The following TUSC3 variants were observed in gnomAD, a reference collection of about 807,000 sequenced individuals.
The protein encoded by TUSC3 is dolichyl-diphosphooligosaccharide--protein glycosyltransferase subunit TUSC3.
TUSC3 carries 45 observed loss-of-function variants against 44.8 expected under a neutral mutation model. The observed-to-expected ratio is 1.00, with a 90% CI of 0.79 to 1.29. TUSC3 has a LOEUF of 1.29. Ranked by LOEUF, TUSC3 falls within the 50% of genes most tolerant of loss-of-function variation. The pLI, the probability that TUSC3 is intolerant of heterozygous loss-of-function variation, is 0.00. For synonymous variants in TUSC3, 212 were observed against 152.9 expected (o/e 1.39, Z -2.85); for missense variants, 519 against 437.9 (o/e 1.19, Z -1.65).
chr8:15,644,176 AT>A (rs146359126), intron 2 of TUSC3, among the ~76,000 whole-genome samples: 7 of 152,198 alleles, frequency 4.6e-5, no homozygotes, highest in Non-Finnish European at 7.4e-5. Flanking sequence ...AGATTAAGTG[AT>A]TTTTTTCCCC....
intron 2 of TUSC3, among the ~76,000 whole-genome samples, chr8:15,649,449 T>G (rs2129175084): frequency 6.6e-6 from 1 of 152,164 alleles, no homozygotes; most frequent in Admixed American, 6.5e-5. Flanking sequence ...CCGGGCTTGG[T>G]GGCGGGCGCC....
chr8:15,443,320 C>T (rs931318733), intron 1 of TUSC3, among the ~76,000 whole-genome samples: 5 of 146,116 alleles, frequency 3.4e-5, no homozygotes, highest in African/African-American at 1.0e-4. Flanking sequence ...AGGTATACAA[C>T]ACCACACCCA....
the TUSC3 span, among the ~76,000 whole-genome samples, chr8:15,846,339 C>T: frequency 1.1e-4 from 17 of 152,198 alleles, no homozygotes; most frequent in East Asian, 1.5e-3. Context: ...ACCAGTAATG[C>T]GATTATAGTA....
chr8:15,689,685 A>G (rs1808809300), intron 6 of TUSC3: 1 of 152,132 alleles, frequency 6.6e-6, no homozygotes, highest in South Asian at 2.1e-4. Context: ...TTTACCACCC[A>G]CTTGTAAGTG....
At chr8:15,746,236 T>G (rs1811409471) in intron 8 of TUSC3, among the ~76,000 whole-genome samples, 2 of 152,142 alleles carry the variant, frequency 1.3e-5, no homozygotes, top group Admixed American at 6.6e-5. Context: ...GATACTCAAT[T>G]TATTAAATCA....
intron 7 of TUSC3, among the ~76,000 whole-genome samples, chr8:15,741,623 G>C (rs1476160500): frequency 6.6e-6 from 1 of 151,936 alleles, no homozygotes; most frequent in Non-Finnish European, 1.5e-5. Flanking sequence ...GGAGGCAGAG[G>C]TTGCAGTGAA....
chr8:15,790,324 T>C, the TUSC3 span, among the ~76,000 whole-genome samples: 1 of 151,596 alleles, frequency 6.6e-6, no homozygotes, highest in Non-Finnish European at 1.5e-5. Flanking sequence ...TAGCTGGGAC[T>C]ACAGGCACAT....
At chr8:15,847,674 T>G in the TUSC3 span, among the ~76,000 whole-genome samples, 4 of 152,184 alleles carry the variant, frequency 2.6e-5, no homozygotes, top group African/African-American at 9.7e-5. Flanking sequence ...CTTCACAATA[T>G]TTTTTAACTA....
intron 2 of TUSC3, among the ~76,000 whole-genome samples, chr8:15,510,840 C>G (rs1801124069): frequency 6.6e-6 from 1 of 151,898 alleles, no homozygotes; most frequent in Non-Finnish European, 1.5e-5. Context: ...AAAATGTTAG[C>G]AAATTTAATT....
At chr8:15,716,186 G>T (rs547926791) in intron 6 of TUSC3, among the ~76,000 whole-genome samples, 1 of 152,262 alleles carries the variant, frequency 6.6e-6, no homozygotes, top group South Asian at 2.1e-4. Flanking sequence ...AGCCCAGTAG[G>T]TGGAGGTTGC....
chr8:15,544,277 A>T (rs559011864), intron 1 of TUSC3, among the ~76,000 whole-genome samples: 1 of 152,030 alleles, frequency 6.6e-6, no homozygotes, highest in South Asian at 2.1e-4. Context: ...TTATCAGTTA[A>T]TCAGCTTCAT....
At chr8:15,792,995 G>T in the TUSC3 span, among the ~76,000 whole-genome samples, 1 of 151,888 alleles carries the variant, frequency 6.6e-6, no homozygotes, top group Admixed American at 6.6e-5. Context: ...TTCTCTGGGG[G>T]AAAACAAAAA....
At chr8:15,443,890 G>A (rs935266323) in intron 1 of TUSC3, among the ~76,000 whole-genome samples, 7 of 151,838 alleles carry the variant, frequency 4.6e-5, no homozygotes, top group African/African-American at 1.5e-4. Flanking sequence ...GCCCCCACCC[G>A]GGAACTGACT....
intron 6 of TUSC3, among the ~76,000 whole-genome samples, chr8:15,704,339 G>C (rs1054048599): frequency 1.3e-5 from 2 of 148,724 alleles, no homozygotes; most frequent in African/African-American, 2.5e-5. Context: ...GATATGATTA[G>C]AGTGACACGG....
rs1021337248 is a variant in TUSC3 at position 15,597,679 on chromosome 8, G to C, written c.139-25401G>C. Among the ~76,000 whole-genome samples, 50 of 152,162 alleles carry C rather than the reference G, an allele frequency of 3.3e-4. 1 individual carries two copies. The highest frequency in any genetic ancestry group is 1.2e-3 in the African/African-American group (49 of 41,554). On this transcript the variant is annotated intron_variant, in intron 1 of 10. Coordinates refer to ENST00000503731, the MANE Select transcript of TUSC3 (RefSeq NM_006765.4). Reference sequence around the variant, plus strand: ...ATTGATATTAGATTGACAGTAGTTAGGAAAACAAAACCTTCATGAGTTTGT... The same window carrying C: ...ATTGATATTAGATTGACAGTAGTTACGAAAACAAAACCTTCATGAGTTTGT...
chr8:15,482,713 T>C (rs2129124642), intron 1 of TUSC3, among the ~76,000 whole-genome samples: 1 of 152,296 alleles, frequency 6.6e-6, no homozygotes, highest in South Asian at 2.1e-4. Flanking sequence ...AATGCTATGG[T>C]AAAGGAAAAC....
At chr8:15,449,699 T>G (rs1257796621) in intron 1 of TUSC3, among the ~76,000 whole-genome samples, 1 of 151,902 alleles carries the variant, frequency 6.6e-6, no homozygotes, top group South Asian at 2.1e-4. Context: ...TCGCAAGGAG[T>G]CCTTTCAGTC....
chr8:15,563,596 G>T (rs111463071), intron 1 of TUSC3, among the ~76,000 whole-genome samples: 8 of 146,776 alleles, frequency 5.5e-5, no homozygotes, highest in African/African-American at 2.0e-4. Context: ...TGAGGCAGAA[G>T]AATTGCTTGA....
the TUSC3 span, among the ~76,000 whole-genome samples, chr8:15,845,220 T>C: frequency 1.3e-5 from 2 of 152,126 alleles, no homozygotes; most frequent in Non-Finnish European, 2.9e-5. Flanking sequence ...TAATCAGATG[T>C]GGGCTAAGTA....
Sources: gnomAD v4.1 joint callset for allele counts (sites outside exome capture counted in the v4.1 genomes callset) on GRCh38, gnomAD v4.1.1 for gene constraint, MANE v1.5 for transcripts, NCBI Gene and HGNC (gene_info 2026-07-23, HGNC 2026-07-21) for gene names.